NTRK1: variants seen among roughly 807,000 people sequenced by gnomAD.
NTRK1 encodes the protein neurotrophic receptor tyrosine kinase 1, also known as high affinity nerve growth factor receptor.
Under a neutral mutation model 86.8 loss-of-function variants are expected in NTRK1, and 62 were observed. That is an observed-to-expected ratio of 0.71 (90% confidence interval 0.58 to 0.88). NTRK1 has a LOEUF of 0.88. Among genes scored for constraint, NTRK1 ranks in the 40% least tolerant of loss-of-function variants. The pLI is 0.00. For synonymous variants in NTRK1, 469 were observed against 456.6 expected (o/e 1.03, Z -0.35); for missense variants, 967 against 1,078.4 (o/e 0.90, Z 1.45).
At chr1:156,866,742 C>A (rs559873875) in intron 3 of NTRK1, among the ~76,000 whole-genome samples, 168 bp from the exon 4 acceptor site, 2 of 147,764 alleles carry the variant, frequency 1.4e-5, no homozygotes, top group Non-Finnish European at 3.0e-5. Context: ...CCCCACCCCC[C>A]ACCCCACCAT....
At position 156,868,235 on chromosome 1, in the gene NTRK1, C is replaced by T. The variant is rs879253918; in HGVS notation, c.560C>T (p.Pro187Leu). The T allele has an allele frequency of 5.0e-6, 8 of 1,610,730 alleles. No homozygotes were observed. The highest frequency in any genetic ancestry group is 6.8e-6 in the Non-Finnish European group (8 of 1,180,014). Residue 187 changes from proline to leucine, a missense_variant, in exon 5 of 17, where the codon CCC becomes CTC. Transcript: ENST00000524377. ...CHGQGPLAHMPNASCGVPTLK... is the reference protein window; with the variant it reads ...CHGQGPLAHMLNASCGVPTLK... The stretch of plus-strand genomic sequence containing the variant: ...GGGCAAGGGCCCCTGGCCCACATGC[C>T]CAATGCCAGCTGTGGTAGGTGCCGG...
chr1:156,879,577 A>C (rs1469791416), intron 15 of NTRK1, among the ~76,000 whole-genome samples: 3 of 152,120 alleles, frequency 2.0e-5, no homozygotes, highest in Non-Finnish European at 4.4e-5. Flanking sequence ...TTTGCCTCTT[A>C]GACCTGAGAG....
intron 1 of NTRK1, 129 bp downstream of exon 1, chr1:156,861,275 C>A (rs1230254904): frequency 4.7e-6 from 5 of 1,056,778 alleles, no homozygotes; most frequent in Non-Finnish European, 6.4e-6. Flanking sequence ...ACCACGCAGC[C>A]TTCGGCGCTG....
At chr1:156,841,581 A>T (rs1654785202) in intron 1 of NTRK1, 12 of 1,611,936 alleles carry the variant, frequency 7.4e-6, no homozygotes, top group Middle Eastern at 1.6e-4. Context: ...TACTCAGTGC[A>T]TTCCAAGGGA....
chr1:156,860,413 A>G (rs906331570), upstream of NTRK1, among the ~76,000 whole-genome samples: 28 of 152,092 alleles, frequency 1.8e-4, no homozygotes, highest in African/African-American at 6.8e-4. Flanking sequence ...TTTTCTTCCT[A>G]GAGTTCGGAG....
chr1:156,860,264 A>C (rs1385418751), upstream of NTRK1, among the ~76,000 whole-genome samples: 2 of 151,878 alleles, frequency 1.3e-5, no homozygotes, highest in Admixed American at 6.6e-5. Flanking sequence ...TTCTCGCGCC[A>C]CCCTGTGGCT....
Position 156,875,644 on chromosome 1 carries a change from C to CCCACAATA in NTRK1, c.1481_1488dup (p.Phe497HisfsTer53). Reference sequence around the variant, plus strand: ...GGCTCCAAGGCCACATCATCGAGAACCCACAATACTTCAGTGATGCCTGTG... The same window carrying CCCACAATA: ...GGCTCCAAGGCCACATCATCGAGAACCCACAATACCACAATACTTCAGTGATGCCTGTG... On this transcript the variant is annotated frameshift_variant, in exon 12 of 17. Coordinates refer to ENST00000524377, the MANE Select transcript of NTRK1 (RefSeq NM_002529.4). LOFTEE classifies it high-confidence loss of function. 1 of 1,613,370 alleles carries CCCACAATA rather than the reference C, an allele frequency of 6.2e-7. No individual in the cohort carries two copies. Among genetic ancestry groups the CCCACAATA allele is most frequent in the Non-Finnish European group, 8.5e-7 (1 of 1,179,972 alleles).
chr1:156,848,937 C>T (rs756237879), intron 2 of NTRK1: 3 of 1,583,278 alleles, frequency 1.9e-6, no homozygotes, highest in African/African-American at 2.7e-5. Flanking sequence ...TTGTAGTACA[C>T]GATGAAGCTG....
At chr1:156,830,712 G>C (rs570721512) in intron 1 of NTRK1, among the ~76,000 whole-genome samples, 3 of 151,988 alleles carry the variant, frequency 2.0e-5, no homozygotes, top group African/African-American at 7.2e-5. Context: ...GAACCACCAC[G>C]TCTGGCCAAT....
At chr1:156,874,450 G>A (rs758022595) in intron 9 of NTRK1, 50 bp downstream of exon 9, 18 of 1,613,962 alleles carry the variant, frequency 1.1e-5, no homozygotes, top group Non-Finnish European at 5.1e-6. Flanking sequence ...CTGGAGCTGA[G>A]GCTGGGGCAG....
In NTRK1 at chr1:156,875,727, G is replaced by GTC. The variant is rs1277369580; in HGVS notation, c.1501+62_1501+63insCT. ...TGTGTGTGTGTGTGTGTGTGTGTGT[G>GTC]TGTGTGTGTAGAAGCCCCTAGGCCT... On this transcript the variant is annotated intron_variant, in intron 12 of 16. Coordinates refer to ENST00000524377, the MANE Select transcript of NTRK1 (RefSeq NM_002529.4). 7.6e-5 allele frequency: 119 copies of GTC among 1,563,676 alleles called. 2 individuals carry two copies. In the African/African-American group the frequency reaches 1.2e-3, roughly 16 times the overall value.
At chr1:156,830,712 G>A (rs570721512) in intron 1 of NTRK1, among the ~76,000 whole-genome samples, 4 of 152,106 alleles carry the variant, frequency 2.6e-5, no homozygotes, top group South Asian at 2.1e-4. Context: ...GAACCACCAC[G>A]TCTGGCCAAT....
At chr1:156,821,493 G>A (rs1210909588) in intron 1 of NTRK1, among the ~76,000 whole-genome samples, 1 of 143,110 alleles carries the variant, frequency 7.0e-6, no homozygotes, top group African/African-American at 2.7e-5. Flanking sequence ...GTGTGTGTGT[G>A]TATGTGTAGG....
In NTRK1 at chr1:156,816,691, G is replaced by A. The variant is rs558282046; in HGVS notation, c.-64+853G>A. On this transcript the variant is annotated intron_variant, in intron 1 of 16. Transcript: ENST00000392302. The stretch of plus-strand genomic sequence containing the variant: ...CACACTTACCTTGGGGACATATCTG[G>A]GCCAGGGGGAACTCCATGAGGGCAG... 9 of 1,601,066 alleles carry A rather than the reference G, an allele frequency of 5.6e-6. No individual in the cohort carries two copies. In the East Asian group the frequency reaches 2.1e-4, roughly 37 times the overall value.
upstream of NTRK1, chr1:156,860,718 C>A (rs1655595481): frequency 1.1e-6 from 1 of 896,900 alleles, no homozygotes; most frequent in South Asian, 2.9e-5. Context: ...ACGCTGGGGG[C>A]CCCTAACAGG....
chr1:156,841,990 G>T, intron 1 of NTRK1: 1 of 1,555,824 alleles, frequency 6.4e-7, no homozygotes, highest in Non-Finnish European at 8.8e-7. Context: ...GATACAGGGT[G>T]GGGGTGACTT....
intron 2 of NTRK1, chr1:156,845,488 C>T (rs1654962784): frequency 2.0e-6 from 3 of 1,507,748 alleles, no homozygotes; most frequent in Non-Finnish European, 2.7e-6. Context: ...GTACCGCCTC[C>T]AAAAGCACCC....
intron 5 of NTRK1, 71 bp from the exon 6 acceptor site, chr1:156,868,434 C>T (rs1647305132): frequency 2.6e-6 from 4 of 1,546,820 alleles, no homozygotes; most frequent in Non-Finnish European, 3.5e-6. Context: ...GAAGGAGCAG[C>T]CCCGCAGTAG....
exon 1 of NTRK1, chr1:156,815,807 GGAGT>G: frequency 1.9e-6 from 3 of 1,614,126 alleles, no homozygotes; most frequent in Non-Finnish European, 1.7e-6. Context: ...GAGCAGTAAG[GGAGT>G]GAGTGGGCAA....
Sources: allele counts gnomAD v4.1 joint callset (sites outside exome capture counted in the v4.1 genomes callset), GRCh38; gene constraint gnomAD v4.1.1; transcripts MANE v1.5; gene names NCBI Gene and HGNC (gene_info 2026-07-23, HGNC 2026-07-21).